FOXP1: variants seen among roughly 807,000 people sequenced by gnomAD.
FOXP1 encodes forkhead box P1.
A neutral mutation model predicts 98.2 loss-of-function variants in FOXP1; 15 were observed. The observed-to-expected ratio is 0.15, with a 90% CI of 0.10 to 0.24. The LOEUF is 0.24. FOXP1 is among the 10% of genes least tolerant of loss of function. The pLI, the probability that FOXP1 is intolerant of heterozygous loss-of-function variation, is 1.00. For missense variants in FOXP1, 633 were observed against 848.5 expected, an observed-to-expected ratio of 0.75 and a Z score of 3.15; for synonymous variants, 371 against 314.5, an observed-to-expected ratio of 1.18 and a Z score of -1.90.
intron 5 of FOXP1, among the ~76,000 whole-genome samples, chr3:71,241,991 T>G (rs867417578): frequency 1.3e-5 from 2 of 152,214 alleles, no homozygotes; most frequent in Non-Finnish European, 2.9e-5. Flanking sequence ...ACATGGACTA[T>G]TCTATTAATG....
At chr3:71,295,428 G>A (rs951777344) in intron 5 of FOXP1, among the ~76,000 whole-genome samples, 2 of 152,134 alleles carry the variant, frequency 1.3e-5, no homozygotes, top group African/African-American at 4.8e-5. Context: ...CACAATGAAT[G>A]TTATCTACAA....
At chr3:71,035,510 A>T (rs968332485) in intron 11 of FOXP1, among the ~76,000 whole-genome samples, 2 of 152,232 alleles carry the variant, frequency 1.3e-5, no homozygotes. Context: ...GTGTCCCAAT[A>T]AAACTTTATT....
intron 5 of FOXP1, among the ~76,000 whole-genome samples, chr3:71,278,695 C>A (rs954336059): frequency 6.6e-6 from 1 of 152,082 alleles, no homozygotes; most frequent in Non-Finnish European, 1.5e-5. Flanking sequence ...GCAGGAGAAT[C>A]CACTTGAACA....
intron 6 of FOXP1, among the ~76,000 whole-genome samples, chr3:71,149,661 G>A (rs892861614): frequency 3.3e-5 from 5 of 152,094 alleles, no homozygotes; most frequent in African/African-American, 4.8e-5. Flanking sequence ...AGGTATAGCC[G>A]ATAAATACAT....
At chr3:71,532,981 C>T (rs1160961108) in intron 2 of FOXP1, among the ~76,000 whole-genome samples, 1 of 152,174 alleles carries the variant, frequency 6.6e-6, no homozygotes, top group African/African-American at 2.4e-5. Flanking sequence ...AAGCATAGGA[C>T]CCTGGTTGAT....
chr3:71,472,406 T>C (rs2089444554), intron 3 of FOXP1, among the ~76,000 whole-genome samples: 1 of 151,954 alleles, frequency 6.6e-6, no homozygotes, highest in Admixed American at 6.6e-5. Flanking sequence ...GAGGATTCAG[T>C]AGAAGTTCTG....
intron 5 of FOXP1, among the ~76,000 whole-genome samples, chr3:71,280,970 C>T (rs753173873): frequency 1.3e-5 from 2 of 150,804 alleles, no homozygotes; most frequent in Non-Finnish European, 3.0e-5. Flanking sequence ...ACGAAGCAGC[C>T]CTTTCTAATT....
At chr3:71,175,106 G>A (rs1234711573) in intron 6 of FOXP1, among the ~76,000 whole-genome samples, 2 of 152,128 alleles carry the variant, frequency 1.3e-5, no homozygotes, top group Non-Finnish European at 1.5e-5. Context: ...TAGAGACGAG[G>A]TTTCACTATA....
intron 3 of FOXP1, among the ~76,000 whole-genome samples, chr3:71,412,611 A>G (rs1476359106): frequency 2.0e-5 from 3 of 152,216 alleles, no homozygotes. Flanking sequence ...GAACAACTCA[A>G]CATGATGCAA....
intron 5 of FOXP1, among the ~76,000 whole-genome samples, chr3:71,227,550 A>G (rs991124139): frequency 2.0e-5 from 3 of 152,150 alleles, no homozygotes; most frequent in Non-Finnish European, 4.4e-5. Context: ...ACTTCTAGAC[A>G]TTTGATTAAG....
At chr3:71,288,306 T>A (rs915919044) in intron 5 of FOXP1, 2 of 152,236 alleles carry the variant, frequency 1.3e-5, no homozygotes, top group African/African-American at 2.4e-5. Flanking sequence ...GTTTTTGTAA[T>A]TAACCTACCA....
chr3:71,036,894 A>G (rs1329601790), intron 11 of FOXP1, among the ~76,000 whole-genome samples: 2 of 152,226 alleles, frequency 1.3e-5, no homozygotes, highest in Non-Finnish European at 1.5e-5. Flanking sequence ...TTTCAATTAA[A>G]TTTAAAGTAT....
intron 3 of FOXP1, among the ~76,000 whole-genome samples, chr3:71,410,930 C>T (rs754107658): frequency 2.6e-5 from 4 of 152,154 alleles, no homozygotes; most frequent in Non-Finnish European, 5.9e-5. Flanking sequence ...TAGAGGTATG[C>T]CTTATCACGC....
At chr3:71,460,075 A>T (rs986267173) in intron 3 of FOXP1, among the ~76,000 whole-genome samples, 9 of 151,620 alleles carry the variant, frequency 5.9e-5, no homozygotes, top group African/African-American at 9.7e-5. Context: ...CTGGGACTAC[A>T]GGCGCCCACC....
intron 5 of FOXP1, among the ~76,000 whole-genome samples, chr3:71,251,224 CATCAGCT>C (rs1483710757): frequency 2.0e-5 from 3 of 152,190 alleles, no homozygotes; most frequent in Non-Finnish European, 4.4e-5. Context: ...TCTTCAGAGA[CATCAGCT>C]ATCCTGCAGA....
chr3:71,146,934 C>T (rs2060339147), intron 6 of FOXP1, among the ~76,000 whole-genome samples: 1 of 152,236 alleles, frequency 6.6e-6, no homozygotes, highest in Non-Finnish European at 1.5e-5. Flanking sequence ...GCGAGCGCTG[C>T]TCTACTTGCT....
intron 3 of FOXP1, among the ~76,000 whole-genome samples, chr3:71,482,716 T>C (rs1412584442): frequency 6.6e-6 from 1 of 152,026 alleles, no homozygotes; most frequent in Admixed American, 6.6e-5. Flanking sequence ...TACATAACTT[T>C]AAAATTTTTT....
intron 7 of FOXP1, among the ~76,000 whole-genome samples, chr3:71,063,874 A>C (rs1002203485): frequency 1.3e-5 from 2 of 152,230 alleles, no homozygotes; most frequent in African/African-American, 4.8e-5. Context: ...GTCTATATGT[A>C]CTTTGCTCTA....
chr3:71,543,051 C>G (rs1321935905), intron 2 of FOXP1, among the ~76,000 whole-genome samples: 1 of 152,146 alleles, frequency 6.6e-6, no homozygotes, highest in Non-Finnish European at 1.5e-5. Context: ...TTTACATATG[C>G]AAAACTGTGA....
Sources: allele counts gnomAD v4.1 joint callset (sites outside exome capture counted in the v4.1 genomes callset), GRCh38; gene constraint gnomAD v4.1.1; transcripts MANE v1.5; gene names NCBI Gene and HGNC (gene_info 2026-07-23, HGNC 2026-07-21).